The following SLC1A6 variants were observed in gnomAD, a reference collection of about 807,000 sequenced individuals.
SLC1A6 encodes the protein solute carrier family 1 member 6.
A neutral mutation model predicts 42.1 loss-of-function variants in SLC1A6; 15 were observed. The ratio of observed to expected loss-of-function variants is 0.36; its 90% CI spans 0.24 to 0.55. SLC1A6 has a LOEUF of 0.55. Among genes scored for constraint, SLC1A6 ranks in the 20% least tolerant of loss-of-function variants. SLC1A6 has a pLI of 0.88. For missense variants in SLC1A6, 542 were observed against 772.5 expected (o/e 0.70, Z 3.54); for synonymous variants, 317 against 319.7 (o/e 0.99, Z 0.09).
At position 14,968,366 on chromosome 19, in the gene SLC1A6, C is replaced by T. The variant is rs748033718; in HGVS notation, c.485G>A (p.Gly162Glu). ...IIHPGKGSKEGLHREGRIETI... is the reference protein window; with the variant it reads ...IIHPGKGSKEELHREGRIETI... ...CTCGATCCGGCCCTCCCGGTGCAGCCCCTCCTTGGAGCCCTTCCCGGGATG... is the reference window on the plus strand; with the variant it reads ...CTCGATCCGGCCCTCCCGGTGCAGCTCCTCCTTGGAGCCCTTCCCGGGATG... The change falls in exon 4 of 10, where the codon GGG becomes GAG. Residue 162 changes from glycine (G) to glutamate (E), a missense_variant. Coordinates refer to ENST00000594383, the MANE Select transcript of SLC1A6 (RefSeq NM_005071.3). 9 of 1,613,814 alleles carry T rather than the reference C, an allele frequency of 5.6e-6. No homozygotes were observed. The Admixed American group carries it at 1.3e-4, about 24-fold the overall frequency.
In SLC1A6 at chr19:14,964,316, G is replaced by A. The variant is rs751619112; in HGVS notation, c.591+3C>T. The A allele has an allele frequency of 3.7e-6, 6 of 1,612,756 alleles. No individual in the cohort carries two copies. In the African/African-American group the frequency reaches 4.0e-5, roughly 11 times the overall value. ...TTGATCAAACTGTGTACTTCCCCCT[G>A]ACCTGTTTGAAGCAGGCCTCCACAA... On this transcript the variant is annotated splice_donor_region_variant and intron_variant, in intron 5 of 9. Coordinates refer to ENST00000594383, the MANE Select transcript of SLC1A6 (RefSeq NM_005071.3).
At chr19:14,961,790 AGAAT>A in intron 6 of SLC1A6, 3 of 622,264 alleles carry the variant, frequency 4.8e-6, no homozygotes, top group South Asian at 2.4e-5. Flanking sequence ...AATGCATAGA[AGAAT>A]GAATGAATGA....
intron 1 of SLC1A6, chr19:14,974,244 C>T (rs1261170204): frequency 6.6e-6 from 1 of 152,036 alleles, no homozygotes; most frequent in Non-Finnish European, 1.5e-5. Context: ...GTAGTCCCAA[C>T]TACTCGGGAG....
intron 6 of SLC1A6, among the ~76,000 whole-genome samples, chr19:14,957,118 CTGTT>C (rs1000587177): frequency 3.3e-5 from 5 of 152,180 alleles, no homozygotes; most frequent in Non-Finnish European, 7.3e-5. Context: ...CTGCCCCCAA[CTGTT>C]TGTTCCACAT....
intron 1 of SLC1A6, among the ~76,000 whole-genome samples, chr19:15,007,100 G>A (rs10422640): frequency 0.39 from 59,565 of 151,822 alleles, 12,675 homozygotes; most frequent in East Asian, 0.55. Flanking sequence ...GAGAGGCGAG[G>A]TCAATGCCCT....
chr19:14,980,694 T>G (rs971286611), upstream of SLC1A6, among the ~76,000 whole-genome samples: 3 of 151,592 alleles, frequency 2.0e-5, no homozygotes, highest in African/African-American at 7.3e-5. Flanking sequence ...TCAATGTTTT[T>G]TATTATTGTT....
At chr19:14,962,637 G>A (rs781582987) in intron 5 of SLC1A6, among the ~76,000 whole-genome samples, 2 of 152,184 alleles carry the variant, frequency 1.3e-5, no homozygotes, top group Non-Finnish European at 2.9e-5. Flanking sequence ...GCCGGGCATG[G>A]CTCACGCCTG....
chr19:14,950,244 T>C lies in SLC1A6; in HGVS notation c.1646A>G (p.Gln549Arg). 1 of 1,605,858 alleles carries C rather than the reference T, an allele frequency of 6.2e-7. No homozygotes were observed. Among genetic ancestry groups the C allele is most frequent in the South Asian group, 1.1e-5 (1 of 89,988 alleles). The stretch of plus-strand genomic sequence containing the variant: ...CCGTCCCCGGGATGCCCCCTTCTCC[T>C]GTGCCATGAGGGACTTGTAGGGTTT... Reference protein sequence around the residue: ...LGKPYKSLMAQEKGASRGRGG... With the variant: ...LGKPYKSLMAREKGASRGRGG... The change falls in exon 10 of 10, where the codon CAG becomes CGG. Residue 549 changes from glutamine (Q) to arginine (R), a missense_variant. Gln to Arg is a conservative substitution (Grantham distance 43). Around this residue, in one of 6 missense-constraint regions of SLC1A6, gnomAD observed 73 missense variants for 85.2 expected, o/e 0.86. Transcript: ENST00000594383.
intron 1 of SLC1A6, among the ~76,000 whole-genome samples, chr19:14,991,856 T>C (rs1490509938): frequency 6.7e-6 from 1 of 149,296 alleles, no homozygotes; most frequent in Non-Finnish European, 1.5e-5. Context: ...TTTTTTTTTC[T>C]AGAGGGAGTC....
intron 5 of SLC1A6, among the ~76,000 whole-genome samples, 179 bp from the exon 6 acceptor site, chr19:14,962,524 T>G (rs959583576): frequency 6.6e-6 from 1 of 152,172 alleles, no homozygotes; most frequent in Non-Finnish European, 1.5e-5. Context: ...AATGAGTGAA[T>G]GAATGACTTG....
At chr19:14,964,152 C>T (rs376976002) in intron 5 of SLC1A6, 167 bp downstream of exon 5, 1 of 650,832 alleles carries the variant, frequency 1.5e-6, no homozygotes, top group East Asian at 2.6e-5. Flanking sequence ...CCTAACCCCC[C>T]CAGATCACCA....
intron 5 of SLC1A6, among the ~76,000 whole-genome samples, chr19:14,962,880 C>T (rs763343669): frequency 1.3e-4 from 20 of 151,848 alleles, no homozygotes; most frequent in South Asian, 2.1e-4. Flanking sequence ...TCCAACCTGG[C>T]GACAGAGTGA....
chr19:14,998,512 G>T (rs1365689743), intron 1 of SLC1A6, among the ~76,000 whole-genome samples: 1 of 152,064 alleles, frequency 6.6e-6, no homozygotes, highest in Non-Finnish European at 1.5e-5. Flanking sequence ...CTGTACTCCA[G>T]CCTGGGCAAC....
upstream of SLC1A6, among the ~76,000 whole-genome samples, chr19:14,983,573 A>C (rs1202583137): frequency 6.6e-6 from 1 of 151,990 alleles, no homozygotes; most frequent in African/African-American, 2.4e-5. Context: ...CTGTGGTCCC[A>C]GCTACTCAGG....
At chr19:15,005,892 G>A (rs1293069469) in intron 1 of SLC1A6, among the ~76,000 whole-genome samples, 1 of 152,190 alleles carries the variant, frequency 6.6e-6, no homozygotes, top group Non-Finnish European at 1.5e-5. Context: ...CAGGTAGCTT[G>A]GTACAAGTTC....
At chr19:15,006,378 A>G (rs2045895665) in intron 1 of SLC1A6, among the ~76,000 whole-genome samples, 1 of 152,194 alleles carries the variant, frequency 6.6e-6, no homozygotes, top group Non-Finnish European at 1.5e-5. Flanking sequence ...TTGTTGAACC[A>G]GATACCACTG....
At chr19:14,978,180 G>A (rs1284273186) in intron 1 of SLC1A6, 1 of 152,144 alleles carries the variant, frequency 6.6e-6, no homozygotes, top group Non-Finnish European at 1.5e-5. Flanking sequence ...ACAGGGTGAG[G>A]GGTGAGGGTG....
chr19:14,970,905 G>A lies in SLC1A6; in HGVS notation c.343+832C>T, dbSNP rs545211133. ...CCAGCACTTTGGGAGGCCGAGGTGC[G>A]CAGATCATGAGGTCAGGAAATCGAT... On this transcript the variant is annotated intron_variant, in intron 3 of 9. Transcript: ENST00000594383. Among the ~76,000 whole-genome samples the A allele has an allele frequency of 1.4e-3, 219 of 152,200 alleles. 1 individual carries two copies. Among genetic ancestry groups the A allele is most frequent in the African/African-American group, 5.1e-3 (213 of 41,526 alleles).
intron 2 of SLC1A6, among the ~76,000 whole-genome samples, chr19:14,972,411 GCA>G (rs1175513617): frequency 2.0e-5 from 3 of 149,934 alleles, no homozygotes; most frequent in African/African-American, 7.3e-5. Context: ...TTCAATGCAC[GCA>G]TATGTGTGTG....
Sources: gnomAD v4.1 joint callset for allele counts (sites outside exome capture counted in the v4.1 genomes callset) on GRCh38, gnomAD v4.1.1 for gene constraint, gnomAD v4.1.1 regional missense constraint, MANE v1.5 for transcripts, NCBI Gene and HGNC (gene_info 2026-07-23, HGNC 2026-07-21) for gene names.